The following PCDHA6 variants were observed in gnomAD, a reference collection of about 807,000 sequenced individuals.
PCDHA6 encodes protocadherin alpha 6, also known as protocadherin alpha-6.
In PCDHA6, 55 loss-of-function variants were observed where a neutral mutation model predicts 60.3. The ratio of observed to expected loss-of-function variants is 0.91; its 90% CI spans 0.73 to 1.14. The LOEUF (loss-of-function observed/expected upper bound fraction) is 1.14. Ranked by LOEUF, PCDHA6 falls within the 50% of genes most tolerant of loss-of-function variation. PCDHA6 has a pLI of 0.00. For missense variants in PCDHA6, 1,327 were observed against 1,256.5 expected, an observed-to-expected ratio of 1.06 and a Z score of -0.85; for synonymous variants, 652 against 557.9, an observed-to-expected ratio of 1.17 and a Z score of -2.38.
At chr5:140,941,204 T>TTTCC (rs1348435161) in intron 1 of PCDHA6, among the ~76,000 whole-genome samples, 2 of 88,662 alleles carry the variant, frequency 2.3e-5, no homozygotes, top group Non-Finnish European at 4.4e-5. Flanking sequence ...TCTTTCTTCC[T>TTTCC]TTCTTTCTTC....
intron 1 of PCDHA6, among the ~76,000 whole-genome samples, chr5:140,918,819 TG>T (rs2078870306): frequency 1.6e-5 from 1 of 61,992 alleles, no homozygotes; most frequent in Admixed American, 1.3e-4. Flanking sequence ...AACCAAAAAG[TG>T]GCCCCCTCCC....
intron 1 of PCDHA6, chr5:140,883,758 G>A (rs781858673): frequency 3.1e-6 from 5 of 1,612,920 alleles, no homozygotes; most frequent in South Asian, 1.1e-5. Context: ...CTGGTGGAGC[G>A]GCGGGTGGGC....
At chr5:140,861,738 T>C (rs1554155173) in intron 1 of PCDHA6, 1 of 160,806 alleles carries the variant, frequency 6.2e-6, no homozygotes, top group African/African-American at 2.5e-5. Context: ...ACTTACATAC[T>C]GTGCCGCAAT....
At chr5:140,853,682 A>C in intron 1 of PCDHA6, 5 of 988,426 alleles carry the variant, frequency 5.1e-6, no homozygotes, top group Non-Finnish European at 6.1e-6. Context: ...TGGTCAACCT[A>C]TCCTTAGACC....
chr5:140,887,224 G>A (rs1554182948), intron 1 of PCDHA6, among the ~76,000 whole-genome samples: 1 of 151,812 alleles, frequency 6.6e-6, no homozygotes, highest in Non-Finnish European at 1.5e-5. Context: ...AGCCTCCCGA[G>A]TAGCTGAGAC....
Position 140,850,539 on chromosome 5 carries a change from G to A in PCDHA6, c.2394+20054G>A, listed in dbSNP as rs1310321897. 6.3e-7 allele frequency: 1 copy of A among 1,598,284 alleles called. No individual in the cohort carries two copies. Among genetic ancestry groups the A allele is most frequent in the Non-Finnish European group, 8.6e-7 (1 of 1,167,870 alleles). On this transcript the variant is annotated intron_variant, in intron 1 of 3. Coordinates refer to ENST00000529310, the MANE Select transcript of PCDHA6 (RefSeq NM_018909.4). ...CCAGGCGCCAAAGTCATCGTCGCGG[G>A]CGTCAGTGGGTGCCACGGGCCCCGA...
chr5:140,905,632 G>GCCA (rs2071986222), intron 1 of PCDHA6, among the ~76,000 whole-genome samples: 1 of 152,106 alleles, frequency 6.6e-6, no homozygotes, highest in South Asian at 2.1e-4. Flanking sequence ...TGACAGTATG[G>GCCA]TCAGTTTCAC....
chr5:140,942,237 T>C (rs2153657846), intron 1 of PCDHA6, among the ~76,000 whole-genome samples: 1 of 152,214 alleles, frequency 6.6e-6, no homozygotes, highest in East Asian at 1.9e-4. Context: ...GCAAATAAGA[T>C]ATCCATATCA....
At chr5:140,977,351 AT>A (rs2096757742) in intron 1 of PCDHA6, among the ~76,000 whole-genome samples, 1 of 152,348 alleles carries the variant, frequency 6.6e-6, no homozygotes, top group Non-Finnish European at 1.5e-5. Context: ...ATGATGACTG[AT>A]TGATAAAAAG....
intron 1 of PCDHA6, among the ~76,000 whole-genome samples, chr5:140,937,039 CTTTT>C (rs34994034): frequency 1.4e-5 from 2 of 140,156 alleles, no homozygotes; most frequent in African/African-American, 2.6e-5. Flanking sequence ...TTCCATTTAT[CTTTT>C]TTTTTTTTTT....
chr5:140,993,943 A>C (rs1055382423), intron 3 of PCDHA6, among the ~76,000 whole-genome samples: 1 of 152,220 alleles, frequency 6.6e-6, no homozygotes, highest in Admixed American at 6.5e-5. Flanking sequence ...CCCCATTGTT[A>C]AGTGATACAT....
chr5:140,877,218 G>C (rs781819579), intron 1 of PCDHA6: 1 of 1,613,726 alleles, frequency 6.2e-7, no homozygotes, highest in South Asian at 1.1e-5. Context: ...AGTTGGTACC[G>C]CGGTCGGTGG....
intron 1 of PCDHA6, chr5:140,834,345 C>T: frequency 2.0e-6 from 3 of 1,521,606 alleles, no homozygotes; most frequent in Non-Finnish European, 2.7e-6. Context: ...AATTCGAAGG[C>T]AAGTTTTGCT....
At position 140,830,399 on chromosome 5, in the gene PCDHA6, A is replaced by T. The variant is rs2150186054; in HGVS notation, c.2308A>T (p.Met770Leu). 6.3e-7 allele frequency: 1 copy of T among 1,593,324 alleles called. No homozygotes were observed. The highest frequency in any genetic ancestry group is 8.6e-7 in the Non-Finnish European group (1 of 1,161,556). The change falls in exon 1 of 4, where the codon ATG becomes TTG. Residue 770 changes from methionine to leucine, a missense_variant. Coordinates refer to ENST00000529310, the MANE Select transcript of PCDHA6 (RefSeq NM_018909.4). ...GGAGGGCCCACCCAAGATGGATCTC[A>T]TGGCCTTTAGCCCCAGCCTTTCACC... is the stretch of plus-strand genomic sequence containing the variant. The part of the protein sequence containing the change: ...SGEGPPKMDL[M>L]AFSPSLSPCP...
At chr5:140,970,243 T>C (rs1554232347) in intron 1 of PCDHA6, among the ~76,000 whole-genome samples, 1 of 152,252 alleles carries the variant, frequency 6.6e-6, no homozygotes, top group Non-Finnish European at 1.5e-5. Flanking sequence ...TGATTTTCTG[T>C]TGACAGTTTC....
At chr5:140,882,806 T>G in intron 1 of PCDHA6, 2 of 1,614,218 alleles carry the variant, frequency 1.2e-6, no homozygotes, top group Non-Finnish European at 1.7e-6. Flanking sequence ...TTATTTCACT[T>G]TGGACGCACA....
At position 140,858,524 on chromosome 5, in the gene PCDHA6, T is replaced by C. The variant is rs1562538927; in HGVS notation, c.2394+28039T>C. 9 of 1,408,436 alleles carry C rather than the reference T, an allele frequency of 6.4e-6. 1 individual carries two copies. Among genetic ancestry groups the C allele is most frequent in the Admixed American group, 2.0e-5 (1 of 49,940 alleles). The allele number at this position is 1,408,436 out of a possible 1,614,324, so 87.2% of individuals were successfully genotyped here. A position where few individuals can be genotyped will look rare whatever the true frequency, so the allele number is the denominator to read the frequency against. On this transcript the variant is annotated intron_variant, in intron 1 of 3. Coordinates refer to ENST00000529310, the MANE Select transcript of PCDHA6 (RefSeq NM_018909.4). ...TTTCTCAAATATGTATCAGAATATT[T>C]CATTTTTGTCTACATTCCATTTATG...
intron 1 of PCDHA6, among the ~76,000 whole-genome samples, chr5:140,951,817 C>T (rs981107617): frequency 6.6e-6 from 1 of 152,146 alleles, no homozygotes; most frequent in Non-Finnish European, 1.5e-5. Flanking sequence ...CCCTCAAAGT[C>T]TGAACTCATT....
intron 1 of PCDHA6, chr5:140,851,167 C>T: frequency 7.8e-7 from 1 of 1,282,038 alleles, no homozygotes. Context: ...GCTATGCTGC[C>T]ATAACACTTG....
Sources: allele counts gnomAD v4.1 joint callset (sites outside exome capture counted in the v4.1 genomes callset), GRCh38; gene constraint gnomAD v4.1.1; transcripts MANE v1.5; gene names NCBI Gene and HGNC (gene_info 2026-07-23, HGNC 2026-07-21).